SYNE2: variants seen among roughly 807,000 people sequenced by gnomAD.
The protein encoded by SYNE2 is nesprin-2.
Under a neutral mutation model 856.3 loss-of-function variants are expected in SYNE2, and 431 were observed. That is an observed-to-expected ratio of 0.50 (90% CI 0.47 to 0.55). SYNE2 has a LOEUF of 0.55. Ranked by LOEUF, SYNE2 falls within the 20% of genes least tolerant of loss-of-function variation. The probability of loss-of-function intolerance (pLI) is 0.00; values close to 1 mark genes in which losing one functional copy is unlikely to be tolerated. For synonymous variants in SYNE2, 2,923 were observed against 2,872.3 expected (o/e 1.02, Z -0.56); for missense variants, 8,129 against 8,023.2 (o/e 1.01, Z -0.50).
chr14:63,939,342 T>C (rs1359507654), intron 2 of SYNE2, among the ~76,000 whole-genome samples: 3 of 150,418 alleles, frequency 2.0e-5, no homozygotes, highest in African/African-American at 4.9e-5. Context: ...CTGGATTTTT[T>C]TTTTCTTTTT....
At chr14:63,983,713 A>G (rs374882051) in intron 17 of SYNE2, 24 bp from the exon 18 acceptor site, 18 of 1,594,730 alleles carry the variant, frequency 1.1e-5, no homozygotes, top group Non-Finnish European at 1.4e-5. Flanking sequence ...TGAGTATTAC[A>G]TTTCATGAAA....
intron 45 of SYNE2, among the ~76,000 whole-genome samples, chr14:64,032,098 A>G (rs2097042388): frequency 6.6e-6 from 1 of 152,210 alleles, no homozygotes; most frequent in South Asian, 2.1e-4. Flanking sequence ...TTAGGGAGTA[A>G]GTAATCAACA....
Position 64,009,962 on chromosome 14 carries a change from T to G in SYNE2, c.4578-4T>G, listed in dbSNP as rs7146588. ...TTAGCTATTGTATATTTTTCTATTC[T>G]TAGTCTTGAACAATGTGGGAGAGTT... On this transcript the variant is annotated splice_region_variant and splice_polypyrimidine_tract_variant and intron_variant, in intron 31 of 115. Transcript: ENST00000555002. The G allele has an allele frequency of 6.2e-7, 1 of 1,610,980 alleles. No homozygotes were observed. Among genetic ancestry groups the G allele is most frequent in the Non-Finnish European group, 8.5e-7 (1 of 1,177,974 alleles).
At chr14:64,189,998 T>G (rs2139616370) in intron 98 of SYNE2, 73 bp from the exon 99 acceptor site, 1 of 1,477,916 alleles carries the variant, frequency 6.8e-7, no homozygotes, top group Non-Finnish European at 9.4e-7. Context: ...AAGAGGTAAC[T>G]CTATGTCTGT....
chr14:64,102,068 T>C (rs1299366800), intron 64 of SYNE2, 26 bp downstream of exon 64: 4 of 1,554,024 alleles, frequency 2.6e-6, no homozygotes, highest in African/African-American at 1.4e-5. Flanking sequence ...TCAGCCACGC[T>C]TAGGGGTTAC....
Position 63,813,751 on chromosome 14 carries a change from G to A in SYNE2, c.-304-38750G>A, listed in dbSNP as rs572145938. 2.0e-4 allele frequency among the ~76,000 whole-genome samples: 31 copies of A among 151,608 alleles called. No homozygotes were observed. In the East Asian group the frequency reaches 5.2e-3, roughly 26 times the overall value. Reference sequence around the variant, plus strand: ...AGCCTGGACAAAATGGTGAAACTCCGTCTCTACTAAAAAAGTATTAGACCG... The same window carrying A: ...AGCCTGGACAAAATGGTGAAACTCCATCTCTACTAAAAAAGTATTAGACCG... On this transcript the variant is annotated intron_variant, in intron 1 of 23. Coordinates refer to the SYNE2 transcript ENST00000674003.
At position 64,080,650 on chromosome 14, in the gene SYNE2, ACT is replaced by A; in HGVS notation, c.11346+14_11346+15del. ...CACAGTTGAATAAGGTATGGCTGTG[ACT>A]CGTAATAGCTTCATATCATGTGGTG... On this transcript the variant is annotated intron_variant, in intron 56 of 115. Coordinates refer to ENST00000555002, the MANE Select transcript of SYNE2 (RefSeq NM_182914.3). 6.2e-7 allele frequency: 1 copy of A among 1,613,724 alleles called. No homozygotes were observed. The highest frequency in any genetic ancestry group is 8.5e-7 in the Non-Finnish European group (1 of 1,179,808).
At chr14:63,982,229 G>C (rs772490568) in intron 16 of SYNE2, among the ~76,000 whole-genome samples, 1 of 152,122 alleles carries the variant, frequency 6.6e-6, no homozygotes, top group Non-Finnish European at 1.5e-5. Context: ...GACAGTTAAG[G>C]CTCCATGAAC....
chr14:63,865,996 C>T (rs1226051872), intron 1 of SYNE2, among the ~76,000 whole-genome samples: 1 of 152,056 alleles, frequency 6.6e-6, no homozygotes, highest in Non-Finnish European at 1.5e-5. Context: ...ATTTTCTTTT[C>T]ATGGAATTTC....
At chr14:64,133,344 A>G (rs996862339) in intron 77 of SYNE2, among the ~76,000 whole-genome samples, 2 of 152,066 alleles carry the variant, frequency 1.3e-5, no homozygotes, top group Non-Finnish European at 2.9e-5. Flanking sequence ...TTTAAAAAAG[A>G]CTCCATGGAC....
At chr14:63,859,415 T>G (rs988694034) in intron 1 of SYNE2, among the ~76,000 whole-genome samples, 1 of 152,358 alleles carries the variant, frequency 6.6e-6, no homozygotes, top group Non-Finnish European at 1.5e-5. Context: ...GTGACTTTTC[T>G]TCTTTTCTGA....
At position 63,977,980 on chromosome 14, in the gene SYNE2, T is replaced by C. The variant is rs1566958011; in HGVS notation, c.1369T>C (p.Leu457=). 6.2e-7 allele frequency: 1 copy of C among 1,613,722 alleles called. No homozygotes were observed. The highest frequency in any genetic ancestry group is 2.2e-5 in the East Asian group (1 of 44,860). Residue 457 remains leucine (L), a synonymous_variant, in exon 13 of 116, where the codon TTG becomes CTG. Transcript: ENST00000555002. ...FENKDENHLP[L]VPPNKLEEMK... The stretch of plus-strand genomic sequence containing the variant: ...AAATAAGGATGAAAATCACTTGCCA[T>C]TGGTACCACCTAACAAATTGGAGGA...
chr14:64,024,312 T>A lies in SYNE2; in HGVS notation c.5693T>A (p.Leu1898Gln). ...NSKIKQVDSV[L>Q]KHVKKHLPKA... ...AAAATAAAGCAGGTGGACAGCGTAC[T>A]GAAGCATGTGAAGAAGCATCTGCCC... is the stretch of plus-strand genomic sequence containing the variant. The change falls in exon 39 of 116, where the codon CTG (leucine) becomes CAG (glutamine). Residue 1898 changes from leucine to glutamine, a missense_variant. Coordinates refer to ENST00000555002, the MANE Select transcript of SYNE2 (RefSeq NM_182914.3). 2 of 1,614,138 alleles carry A rather than the reference T, an allele frequency of 1.2e-6. No individual in the cohort carries two copies. Among genetic ancestry groups the A allele is most frequent in the Non-Finnish European group, 1.7e-6 (2 of 1,179,980 alleles).
intron 1 of SYNE2, among the ~76,000 whole-genome samples, chr14:63,762,824 G>T (rs1016708318): frequency 2.0e-5 from 3 of 151,448 alleles, no homozygotes; most frequent in Non-Finnish European, 2.9e-5. Flanking sequence ...AAATGGTTCA[G>T]AAAGAGAGAG....
At chr14:63,910,006 T>C (rs1260076952) in intron 2 of SYNE2, among the ~76,000 whole-genome samples, 1 of 152,262 alleles carries the variant, frequency 6.6e-6, no homozygotes, top group Non-Finnish European at 1.5e-5. Context: ...ATTTTTGTTG[T>C]ATTTTGAAAA....
intron 106 of SYNE2, 51 bp from the exon 107 acceptor site, chr14:64,215,235 C>T (rs1479398109): frequency 1.4e-6 from 2 of 1,473,724 alleles, no homozygotes. Context: ...AATACTTGGG[C>T]ATTAATCTTC....
At position 64,132,355 on chromosome 14, in the gene SYNE2, T is replaced by C. The variant is rs1213032389; in HGVS notation, c.14431T>C (p.Phe4811Leu). Residue 4811 changes from phenylalanine (F) to leucine (L), a missense_variant, in exon 77 of 116, where the codon TTT becomes CTT. Around this residue, in one of 3 missense-constraint regions of SYNE2, gnomAD observed 5,410 missense variants for 5,284.8 expected, o/e 1.02. Transcript: ENST00000555002. ...TTCTTTATTGCAAAACAGAGAGACATTTTGGGCAGAACAAGTAACAGAAGT... is the reference window on the plus strand; with the variant it reads ...TTCTTTATTGCAAAACAGAGAGACACTTTGGGCAGAACAAGTAACAGAAGT... The part of the protein sequence containing the change: ...LPSLLQNRET[F>L]WAEQVTEVKI... 9 of 1,614,156 alleles carry C rather than the reference T, an allele frequency of 5.6e-6. No homozygotes were observed. The South Asian group carries it at 8.8e-5, about 16-fold the overall frequency.
chr14:64,128,651 C>G (rs2097975709), intron 74 of SYNE2, 98 bp downstream of exon 74: 1 of 791,566 alleles, frequency 1.3e-6, no homozygotes, highest in Non-Finnish European at 2.3e-6. Context: ...TGAGCAGCAG[C>G]AAGGCTTAAG....
chr14:63,940,730 C>T, intron 3 of SYNE2, 55 bp downstream of exon 3: 1 of 1,536,942 alleles, frequency 6.5e-7, no homozygotes, highest in Admixed American at 1.7e-5. Context: ...TCCCCCTACT[C>T]CTTCTGTTTT....
Sources: gnomAD v4.1 joint callset for allele counts (sites outside exome capture counted in the v4.1 genomes callset) on GRCh38, gnomAD v4.1.1 for gene constraint, gnomAD v4.1.1 regional missense constraint, MANE v1.5 for transcripts, NCBI Gene and HGNC (gene_info 2026-07-23, HGNC 2026-07-21) for gene names.